LRMDA: variants seen among roughly 807,000 people sequenced by gnomAD.
The protein encoded by LRMDA is leucine rich melanocyte differentiation associated.
LRMDA carries 18 observed loss-of-function variants against 29.8 expected under a neutral mutation model. The ratio of observed to expected loss-of-function variants is 0.60; its 90% CI spans 0.42 to 0.90. LRMDA has a LOEUF of 0.90. Ranked by LOEUF, LRMDA falls within the 40% of genes least tolerant of loss-of-function variation. The pLI is 0.00. For synonymous variants in LRMDA, 125 were observed against 109.4 expected, an observed-to-expected ratio of 1.14 and a Z score of -0.89; for missense variants, 273 against 273.9, an observed-to-expected ratio of 1.00 and a Z score of 0.02.
intron 5 of LRMDA, among the ~76,000 whole-genome samples, chr10:76,198,566 T>C (rs1166679515): frequency 6.6e-6 from 1 of 152,174 alleles, no homozygotes; most frequent in Non-Finnish European, 1.5e-5. Flanking sequence ...TGCTGAGCAG[T>C]GTTTATAACT....
intron 6 of LRMDA, among the ~76,000 whole-genome samples, chr10:76,421,396 C>A (rs1363148253): frequency 6.6e-6 from 1 of 152,056 alleles, no homozygotes; most frequent in African/African-American, 2.4e-5. Context: ...CTCTCAAATT[C>A]TCTGAAGGCT....
chr10:75,485,580 G>GTA lies in LRMDA; in HGVS notation c.131+47097_131+47098dup, dbSNP rs755018921. On this transcript the variant is annotated intron_variant, in intron 2 of 6. Transcript: ENST00000611255. Reference sequence around the variant, plus strand: ...CCCAGCTAATTTTGTGTGTGTGTGTGTATATATATATACATATTTTGAGAT... The same window carrying GTA: ...CCCAGCTAATTTTGTGTGTGTGTGTGTATATATATATATACATATTTTGAGAT... Among the ~76,000 whole-genome samples, 513 of 150,336 alleles carry GTA rather than the reference G, an allele frequency of 3.4e-3. 2 individuals are homozygous for GTA. Among genetic ancestry groups the GTA allele is most frequent in the Middle Eastern group, 6.8e-3 (2 of 294 alleles).
chr10:76,545,712 G>A (rs1475338749), intron 6 of LRMDA, among the ~76,000 whole-genome samples: 1 of 150,470 alleles, frequency 6.6e-6, no homozygotes, highest in East Asian at 1.9e-4. Flanking sequence ...GACTGCTATT[G>A]GGGATAAAAT....
At chr10:76,138,918 T>A (rs1388112342) in intron 5 of LRMDA, among the ~76,000 whole-genome samples, 1 of 152,172 alleles carries the variant, frequency 6.6e-6, no homozygotes, top group Non-Finnish European at 1.5e-5. Context: ...TTTTTTATAT[T>A]TGCCTCTGAA....
At chr10:76,337,756 T>G (rs531072144) in intron 6 of LRMDA, among the ~76,000 whole-genome samples, 1 of 152,230 alleles carries the variant, frequency 6.6e-6, no homozygotes, top group Non-Finnish European at 1.5e-5. Flanking sequence ...GGTTCAGGGC[T>G]CCACCAAGAG....
chr10:76,330,671 C>T (rs1840894009), intron 6 of LRMDA, among the ~76,000 whole-genome samples: 1 of 152,164 alleles, frequency 6.6e-6, no homozygotes, highest in African/African-American at 2.4e-5. Flanking sequence ...TGAGGCCCTT[C>T]CAGTGTCTTT....
chr10:75,647,337 G>T lies in LRMDA; in HGVS notation c.131+208843G>T, dbSNP rs1319007559. On this transcript the variant is annotated intron_variant, in intron 2 of 6. Coordinates refer to ENST00000611255, the MANE Select transcript of LRMDA (RefSeq NM_001305581.2). ...TGGAGGTAATTATGGGTGGTTTTCAGCCCCATGAAGGAGACTCAAACAGGC... is the reference window on the plus strand; with the variant it reads ...TGGAGGTAATTATGGGTGGTTTTCATCCCCATGAAGGAGACTCAAACAGGC... Among the ~76,000 whole-genome samples the T allele has an allele frequency of 2.0e-5, 3 of 152,168 alleles. No homozygotes were observed. The South Asian group carries it at 6.2e-4, about 32-fold the overall frequency.
chr10:76,058,668 G>A lies in LRMDA; in HGVS notation c.401G>A (p.Cys134Tyr), dbSNP rs751200646. Reference sequence around the variant, plus strand: ...TGTCTCTGACTCTTATCTTCCAGATGCTTTGTTCTGTACAAGCTGCCCAAC... The same window carrying A: ...TGTCTCTGACTCTTATCTTCCAGATACTTTGTTCTGTACAAGCTGCCCAAC... ...KDEEDYKRYR[C>Y]FVLYKLPNLK... The change falls in exon 5 of 7, where the codon TGC becomes TAC. Residue 134 changes from cysteine (C) to tyrosine (Y), a missense_variant and splice_region_variant. By Grantham distance (194) the Cys-to-Tyr change is radical. Transcript: ENST00000611255. 6.2e-7 allele frequency: 1 copy of A among 1,612,328 alleles called. No individual in the cohort carries two copies. Among genetic ancestry groups the A allele is most frequent in the South Asian group, 1.1e-5 (1 of 91,056 alleles).
At chr10:75,556,240 A>AG (rs2132058186) in intron 2 of LRMDA, among the ~76,000 whole-genome samples, 1 of 152,324 alleles carries the variant, frequency 6.6e-6, no homozygotes, top group East Asian at 1.9e-4. Context: ...AGAAAAAAAA[A>AG]TCAAGATTGA....
Position 75,840,663 on chromosome 10 carries a change from G to A in LRMDA, c.132-195345G>A, listed in dbSNP as rs138684921. On this transcript the variant is annotated intron_variant, in intron 2 of 6. Transcript: ENST00000611255. ...GGGAAAAAACCTACAAGAAGGCAGT[G>A]AAACTCTCATATAGAGCTTGAGACA... 5.2e-3 allele frequency among the ~76,000 whole-genome samples: 799 copies of A among 152,316 alleles called. 11 individuals carry two copies. Among genetic ancestry groups the A allele is most frequent in the African/African-American group, 0.018 (767 of 41,570 alleles).
intron 2 of LRMDA, among the ~76,000 whole-genome samples, chr10:75,835,089 C>G (rs1264994891): frequency 6.6e-6 from 1 of 152,114 alleles, no homozygotes; most frequent in Non-Finnish European, 1.5e-5. Context: ...AACAAATTTC[C>G]ACAAACTTAG....
chr10:76,343,535 C>T (rs1841066693), intron 6 of LRMDA, among the ~76,000 whole-genome samples: 1 of 151,878 alleles, frequency 6.6e-6, no homozygotes, highest in South Asian at 2.1e-4. Flanking sequence ...ATATGGATGC[C>T]AAAAAGGCTT....
intron 2 of LRMDA, among the ~76,000 whole-genome samples, chr10:75,992,402 C>A (rs1158200211): frequency 6.6e-6 from 1 of 152,158 alleles, no homozygotes; most frequent in Non-Finnish European, 1.5e-5. Context: ...ATGTCCTTGC[C>A]ATCTCATACA....
At chr10:75,758,810 T>C (rs1843062533) in intron 2 of LRMDA, among the ~76,000 whole-genome samples, 1 of 152,238 alleles carries the variant, frequency 6.6e-6, no homozygotes, top group Non-Finnish European at 1.5e-5. Context: ...TGTAAAATTC[T>C]GTTTTAATTT....
In LRMDA at chr10:75,767,529, G is replaced by A. The variant is rs995386506; in HGVS notation, c.132-268479G>A. 2.0e-5 allele frequency among the ~76,000 whole-genome samples: 3 copies of A among 152,094 alleles called. No individual in the cohort carries two copies. In the East Asian group the frequency reaches 5.8e-4, roughly 29 times the overall value. On this transcript the variant is annotated intron_variant, in intron 2 of 6. Transcript: ENST00000611255. ...CCTTTCTGATTTTTTTCCCTTGAGT[G>A]AAATTCCTGTCCATTTAATGGCAGT...
At chr10:76,268,123 A>G (rs1414576887) in intron 5 of LRMDA, among the ~76,000 whole-genome samples, 1 of 152,178 alleles carries the variant, frequency 6.6e-6, no homozygotes, top group Non-Finnish European at 1.5e-5. Context: ...ATGGAACAGA[A>G]ATGAAGAGGA....
chr10:76,292,718 A>G (rs1046095297), intron 5 of LRMDA, among the ~76,000 whole-genome samples: 2 of 151,826 alleles, frequency 1.3e-5, no homozygotes, highest in Non-Finnish European at 2.9e-5. Flanking sequence ...CCTGCATTCT[A>G]GATAGATTGG....
chr10:76,253,664 A>G (rs1852528178), intron 5 of LRMDA, among the ~76,000 whole-genome samples: 1 of 152,126 alleles, frequency 6.6e-6, no homozygotes, highest in Admixed American at 6.5e-5. Context: ...TAGTGTCATT[A>G]TTTTTAGAAT....
intron 5 of LRMDA, among the ~76,000 whole-genome samples, chr10:76,133,326 T>A (rs926768718): frequency 6.6e-6 from 1 of 152,138 alleles, no homozygotes; most frequent in Non-Finnish European, 1.5e-5. Context: ...TTTCCTTGTA[T>A]GCAGGTAGCA....
Sources: allele counts gnomAD v4.1 joint callset (sites outside exome capture counted in the v4.1 genomes callset), GRCh38; gene constraint gnomAD v4.1.1; transcripts MANE v1.5; gene names NCBI Gene and HGNC (gene_info 2026-07-23, HGNC 2026-07-21).